Variants in VAV3 observed in about 807,000 individuals in gnomAD.
VAV3 encodes guanine nucleotide exchange factor VAV3.
Under a neutral mutation model 131.2 loss-of-function variants are expected in VAV3, and 94 were observed. That is an observed-to-expected ratio of 0.72 (90% CI 0.61 to 0.85). VAV3 has a LOEUF of 0.85. Ranked by LOEUF, VAV3 falls within the 40% of genes least tolerant of loss-of-function variation. The probability of loss-of-function intolerance (pLI) is 0.00; values close to 1 mark genes in which losing one functional copy is unlikely to be tolerated. For missense variants in VAV3, 939 were observed against 1,002.7 expected, an observed-to-expected ratio of 0.94 and a Z score of 0.86; for synonymous variants, 349 against 342.0, an observed-to-expected ratio of 1.02 and a Z score of -0.22.
chr1:107,642,322 G>A (rs942071667), intron 20 of VAV3, among the ~76,000 whole-genome samples: 1 of 152,086 alleles, frequency 6.6e-6, no homozygotes, highest in African/African-American at 2.4e-5. Context: ...TCAGCACCAT[G>A]ACAGTTTACA....
intron 15 of VAV3, among the ~76,000 whole-genome samples, chr1:107,732,599 C>T (rs1373633906): frequency 1.3e-5 from 2 of 152,216 alleles, no homozygotes; most frequent in Non-Finnish European, 2.9e-5. Context: ...CCCACGGAGC[C>T]TCGTTCACTG....
At chr1:107,869,486 T>C (rs1226673633) in intron 2 of VAV3, among the ~76,000 whole-genome samples, 1 of 152,116 alleles carries the variant, frequency 6.6e-6, no homozygotes, top group African/African-American at 2.4e-5. Context: ...TGTTAAGCAC[T>C]TGACATACAC....
intron 17 of VAV3, among the ~76,000 whole-genome samples, chr1:107,703,915 G>C (rs765016083): frequency 1.3e-5 from 2 of 152,160 alleles, no homozygotes; most frequent in Non-Finnish European, 2.9e-5. Context: ...CCCAAGAGGA[G>C]CAGAAAGAGG....
At chr1:107,631,845 T>C (rs1428982832) in intron 20 of VAV3, among the ~76,000 whole-genome samples, 2 of 152,236 alleles carry the variant, frequency 1.3e-5, no homozygotes, top group Non-Finnish European at 1.5e-5. Context: ...TCATGGTGTA[T>C]ATCTGCCACA....
chr1:107,731,583 GAAGAATCTTCTCCAGTTATTAT>G lies in VAV3; in HGVS notation c.1502+17363_1502+17384del, dbSNP rs544215965. On this transcript the variant is annotated intron_variant, in intron 15 of 26. Transcript: ENST00000370056. ...ACAAAGAATTTAAACTCATTATAAG[GAAGAATCTTCTCCAGTTATTAT>G]AAGAATCTTCTATAGTAAAATCTTC... is the stretch of plus-strand genomic sequence containing the variant. 1.2e-3 allele frequency among the ~76,000 whole-genome samples: 188 copies of G among 152,234 alleles called. 3 individuals carry two copies. The Middle Eastern group carries it at 0.017, about 14-fold the overall frequency.
rs560308481 is a variant in VAV3 at position 107,902,228 on chromosome 1, C to T, written c.205-27211G>A. 3.3e-5 allele frequency among the ~76,000 whole-genome samples: 5 copies of T among 152,326 alleles called. No homozygotes were observed. The East Asian group carries it at 9.6e-4, about 29-fold the overall frequency. ...CAGGAGGCTAGACCAAGGGTCTCTACAGACTTTGCCTAGTTTTCTGTGCTA... is the reference window on the plus strand; with the variant it reads ...CAGGAGGCTAGACCAAGGGTCTCTATAGACTTTGCCTAGTTTTCTGTGCTA... On this transcript the variant is annotated intron_variant, in intron 1 of 26. Coordinates refer to ENST00000370056, the MANE Select transcript of VAV3 (RefSeq NM_006113.5).
At chr1:107,763,923 A>T (rs6667602) in intron 9 of VAV3, among the ~76,000 whole-genome samples, 94,201 of 151,282 alleles carry the variant, frequency 0.62, 29,968 homozygotes, top group Non-Finnish European at 0.69. Flanking sequence ...TAAACAGGCA[A>T]ATAAGCCACA....
At chr1:107,884,933 ATAG>A (rs1057050447) in intron 1 of VAV3, among the ~76,000 whole-genome samples, 2 of 152,190 alleles carry the variant, frequency 1.3e-5, no homozygotes, top group Non-Finnish European at 2.9e-5. Flanking sequence ...ATCAATGGAA[ATAG>A]TGGTGGTTTA....
intron 7 of VAV3, among the ~76,000 whole-genome samples, chr1:107,767,368 A>G (rs186141625): frequency 1.5e-4 from 23 of 152,272 alleles, no homozygotes; most frequent in African/African-American, 5.3e-4. Context: ...TGGAGCACAC[A>G]TTGACTCCAC....
rs1673568762 is a variant in VAV3 at position 107,933,652 on chromosome 1, A to G, written c.204+31014T>C. ...AATGCACTGAGACCCCATCTCTACAAAAAAATTTAAAAATTAGCTGAGTAT... is the reference window on the plus strand; with the variant it reads ...AATGCACTGAGACCCCATCTCTACAGAAAAATTTAAAAATTAGCTGAGTAT... On this transcript the variant is annotated intron_variant, in intron 1 of 26. Coordinates refer to ENST00000370056, the MANE Select transcript of VAV3 (RefSeq NM_006113.5). Among the ~76,000 whole-genome samples the G allele has an allele frequency of 3.9e-5, 6 of 152,006 alleles. 1 individual carries two copies. The South Asian group carries it at 1.2e-3, about 32-fold the overall frequency.
intron 17 of VAV3, among the ~76,000 whole-genome samples, chr1:107,701,046 G>C (rs902981323): frequency 4.2e-5 from 6 of 141,382 alleles, no homozygotes; most frequent in African/African-American, 1.5e-4. Flanking sequence ...TTTCTCTAAT[G>C]ATCAGTCATG....
At chr1:107,777,384 T>C in intron 3 of VAV3, 88 bp from the exon 4 acceptor site, 1 of 1,213,024 alleles carries the variant, frequency 8.2e-7, no homozygotes, top group Non-Finnish European at 1.2e-6. Flanking sequence ...CCTCACTAAA[T>C]ATGTAAGTTG....
intron 1 of VAV3, among the ~76,000 whole-genome samples, chr1:107,962,944 T>G (rs954992339): frequency 3.3e-5 from 5 of 152,224 alleles, no homozygotes; most frequent in African/African-American, 1.2e-4. Flanking sequence ...ACAGAACTCT[T>G]AGAGCATTGT....
At chr1:107,790,773 C>T (rs1466500638) in intron 2 of VAV3, among the ~76,000 whole-genome samples, 4 of 146,974 alleles carry the variant, frequency 2.7e-5, no homozygotes, top group Admixed American at 1.4e-4. Context: ...CTGCAACCTC[C>T]GCCTCCCAGG....
chr1:107,851,074 C>T (rs1001331119), intron 2 of VAV3, among the ~76,000 whole-genome samples: 1 of 151,228 alleles, frequency 6.6e-6, no homozygotes, highest in African/African-American at 2.4e-5. Context: ...AGAGAAGCAA[C>T]TGCCACATGA....
intron 15 of VAV3, among the ~76,000 whole-genome samples, chr1:107,717,240 A>G (rs999491382): frequency 1.3e-5 from 2 of 151,950 alleles, no homozygotes; most frequent in Non-Finnish European, 2.9e-5. Flanking sequence ...TATTTCCTTT[A>G]GTTCTGCTCT....
At chr1:107,882,013 G>A (rs1670804970) in intron 1 of VAV3, among the ~76,000 whole-genome samples, 1 of 152,114 alleles carries the variant, frequency 6.6e-6, no homozygotes, top group African/African-American at 2.4e-5. Flanking sequence ...AGATATGAAT[G>A]CAAACAGGAT....
chr1:107,582,415 A>T (rs868309631), intron 25 of VAV3, among the ~76,000 whole-genome samples: 4 of 152,024 alleles, frequency 2.6e-5, no homozygotes, highest in Non-Finnish European at 4.4e-5. Flanking sequence ...GTATATATAT[A>T]TTTTTTATTA....
intron 15 of VAV3, among the ~76,000 whole-genome samples, chr1:107,709,353 T>C (rs1301159768): frequency 6.6e-6 from 1 of 152,112 alleles, no homozygotes; most frequent in African/African-American, 2.4e-5. Context: ...ATTTTGTTTG[T>C]TTTCAAAAGC....
Sources: allele counts gnomAD v4.1 joint callset (sites outside exome capture counted in the v4.1 genomes callset), GRCh38; gene constraint gnomAD v4.1.1; transcripts MANE v1.5; gene names NCBI Gene and HGNC (gene_info 2026-07-23, HGNC 2026-07-21).